FRMD6: variants seen among roughly 807,000 people sequenced by gnomAD.
FRMD6 encodes FERM domain containing 6.
Under a neutral mutation model 73.2 loss-of-function variants are expected in FRMD6, and 37 were observed. That is an observed-to-expected ratio of 0.51 (90% confidence interval 0.39 to 0.66). The LOEUF (loss-of-function observed/expected upper bound fraction) is 0.66. Ranked by LOEUF, FRMD6 falls within the 30% of genes least tolerant of loss-of-function variation. The pLI, the probability that FRMD6 is intolerant of heterozygous loss-of-function variation, is 0.00. For synonymous variants in FRMD6, 273 were observed against 282.2 expected (o/e 0.97, Z 0.33); for missense variants, 714 against 780.5 (o/e 0.91, Z 1.02).
chr14:51,680,912 G>A (rs530777357), intron 1 of FRMD6, among the ~76,000 whole-genome samples: 1 of 151,992 alleles, frequency 6.6e-6, no homozygotes, highest in South Asian at 2.1e-4. Context: ...TTATCCATTC[G>A]CTGCAAGTGG....
In FRMD6 at chr14:51,728,267, C is replaced by T; in HGVS notation, c.*238C>T. 2.1e-6 allele frequency: 1 copy of T among 485,282 alleles called. No homozygotes were observed. Among genetic ancestry groups the T allele is most frequent in the Non-Finnish European group, 3.7e-6 (1 of 273,142 alleles). 30.1% of individuals were successfully genotyped at this position (485,282 alleles called of 1,614,324 possible). A position where few individuals can be genotyped will look rare whatever the true frequency, so the allele number is the denominator to read the frequency against. Reference sequence around the variant, plus strand: ...ACAAGTGCCCGGAAGTTCACTGATCCTTCAGAAGGAAATGCGCTTTACTGA... The same window carrying T: ...ACAAGTGCCCGGAAGTTCACTGATCTTTCAGAAGGAAATGCGCTTTACTGA... On this transcript the variant is annotated 3_prime_UTR_variant, in exon 14 of 14. Coordinates refer to ENST00000344768, the MANE Select transcript of FRMD6 (RefSeq NM_001267046.2).
the FRMD6 span, among the ~76,000 whole-genome samples, chr14:51,443,641 C>G: frequency 6.6e-6 from 1 of 152,174 alleles, no homozygotes; most frequent in Non-Finnish European, 1.5e-5. Context: ...TGGTCTTTCC[C>G]ATGCGGGGTT....
intron 1 of FRMD6, among the ~76,000 whole-genome samples, chr14:51,520,339 A>G (rs1884876195): frequency 6.6e-6 from 1 of 152,236 alleles, no homozygotes; most frequent in Non-Finnish European, 1.5e-5. Context: ...CACACTGCTG[A>G]TAGGAATGTA....
intron 1 of FRMD6, among the ~76,000 whole-genome samples, chr14:51,685,298 G>A (rs1048361785): frequency 2.0e-5 from 3 of 152,158 alleles, no homozygotes; most frequent in African/African-American, 7.2e-5. Context: ...ACTCATTAGA[G>A]ATGCTTCCCT....
intron 9 of FRMD6, among the ~76,000 whole-genome samples, chr14:51,713,255 C>A: frequency 6.6e-6 from 1 of 151,966 alleles, no homozygotes; most frequent in East Asian, 1.9e-4. Flanking sequence ...GTCAGGAGTT[C>A]GAGACCAGTC....
intron 7 of FRMD6, among the ~76,000 whole-genome samples, chr14:51,709,245 T>C (rs1896806562): frequency 6.6e-6 from 1 of 152,182 alleles, no homozygotes; most frequent in South Asian, 2.1e-4. Context: ...GCAAGTTACT[T>C]ACTTAACCGC....
the FRMD6 span, among the ~76,000 whole-genome samples, chr14:51,402,839 C>G: frequency 6.6e-6 from 1 of 152,136 alleles, no homozygotes; most frequent in African/African-American, 2.4e-5. Flanking sequence ...GGGGTTTCAC[C>G]CTGTTAGCCA....
At position 51,728,199 on chromosome 14, in the gene FRMD6, G is replaced by C; in HGVS notation, c.*170G>C. 6.3e-6 allele frequency: 4 copies of C among 634,070 alleles called. No homozygotes were observed. The highest frequency in any genetic ancestry group is 1.1e-5 in the Non-Finnish European group (4 of 378,642). The allele number at this position is 634,070 out of a possible 1,614,324, so 39.3% of individuals were successfully genotyped here. A position where few individuals can be genotyped will look rare whatever the true frequency, so the allele number is the denominator to read the frequency against. ...AAGCCTTGGAACAATTGCACTTTAA[G>C]TATTACACAGAAGTAAAAGAACTAC... is the stretch of plus-strand genomic sequence containing the variant. On this transcript the variant is annotated 3_prime_UTR_variant, in exon 14 of 14. Coordinates refer to ENST00000344768, the MANE Select transcript of FRMD6 (RefSeq NM_001267046.2).
intron 2 of FRMD6, among the ~76,000 whole-genome samples, chr14:51,591,250 CAGA>C (rs140545749): frequency 0.095 from 14,414 of 151,332 alleles, 1,264 homozygotes; most frequent in African/African-American, 0.23. Context: ...TGAAAACACA[CAGA>C]AGAAGTGATG....
At chr14:51,510,836 A>G (rs547580989) in intron 1 of FRMD6, among the ~76,000 whole-genome samples, 1 of 152,318 alleles carries the variant, frequency 6.6e-6, no homozygotes, top group African/African-American at 2.4e-5. Context: ...CTTTGCAGCA[A>G]CAATGCGTGT....
intron 1 of FRMD6, among the ~76,000 whole-genome samples, chr14:51,679,168 C>T (rs1382975473): frequency 6.6e-6 from 1 of 151,706 alleles, no homozygotes; most frequent in East Asian, 1.9e-4. Flanking sequence ...AGGAATGAGA[C>T]AAGACAGAGA....
intron 1 of FRMD6, among the ~76,000 whole-genome samples, chr14:51,660,315 C>G (rs1002244430): frequency 6.6e-6 from 1 of 152,100 alleles, no homozygotes; most frequent in African/African-American, 2.4e-5. Flanking sequence ...GTTGAGCTTT[C>G]GTTTTAGGGT....
intron 1 of FRMD6, among the ~76,000 whole-genome samples, chr14:51,668,478 G>A (rs887173592): frequency 6.6e-6 from 1 of 151,960 alleles, no homozygotes; most frequent in African/African-American, 2.4e-5. Flanking sequence ...GCTAATTTTT[G>A]TATTTTTAGT....
At chr14:51,513,777 C>T (rs1202719358) in intron 1 of FRMD6, among the ~76,000 whole-genome samples, 1 of 152,162 alleles carries the variant, frequency 6.6e-6, no homozygotes, top group Admixed American at 6.5e-5. Context: ...GTATCCATCC[C>T]ATGCCTTCCT....
At chr14:51,660,727 A>G (rs770561460) in intron 1 of FRMD6, among the ~76,000 whole-genome samples, 8 of 152,124 alleles carry the variant, frequency 5.3e-5, no homozygotes, top group Non-Finnish European at 8.8e-5. Context: ...TGATGGGAAA[A>G]AGAAAAAGTA....
intron 1 of FRMD6, among the ~76,000 whole-genome samples, chr14:51,499,501 G>A (rs976460210): frequency 6.6e-6 from 1 of 152,204 alleles, no homozygotes; most frequent in Non-Finnish European, 1.5e-5. Flanking sequence ...AAAGCAGTCT[G>A]TTTTACAGAT....
the FRMD6 span, among the ~76,000 whole-genome samples, chr14:51,407,610 A>G: frequency 1.3e-5 from 2 of 151,774 alleles, no homozygotes; most frequent in Non-Finnish European, 2.9e-5. Flanking sequence ...GAATTTGTCA[A>G]TTTTTTCTTT....
intron 2 of FRMD6, among the ~76,000 whole-genome samples, chr14:51,633,621 AGAAAT>A (rs1891427364): frequency 6.0e-5 from 6 of 99,358 alleles, no homozygotes; most frequent in Non-Finnish European, 9.7e-5. Context: ...AAAAAAAAAA[AGAAAT>A]AATTATATGT....
At chr14:51,670,173 T>C (rs762956865) in intron 1 of FRMD6, among the ~76,000 whole-genome samples, 61 of 152,274 alleles carry the variant, frequency 4.0e-4, no homozygotes, top group Non-Finnish European at 3.5e-4. Flanking sequence ...CCTCCTGGGC[T>C]CAAGCAGTCC....
Sources: gnomAD v4.1 joint callset for allele counts (sites outside exome capture counted in the v4.1 genomes callset) on GRCh38, gnomAD v4.1.1 for gene constraint, MANE v1.5 for transcripts, NCBI Gene and HGNC (gene_info 2026-07-23, HGNC 2026-07-21) for gene names.